Variants in RASSF3 observed in about 807,000 individuals in gnomAD.
The protein encoded by RASSF3 is Ras association domain family member 3.
Under a neutral mutation model 19.9 loss-of-function variants are expected in RASSF3, and 19 were observed. The ratio of observed to expected loss-of-function variants is 0.96; its 90% CI spans 0.67 to 1.40. The LOEUF is 1.40. Ranked by LOEUF, RASSF3 falls within the 40% of genes most tolerant of loss-of-function variation. The probability of loss-of-function intolerance (pLI) is 0.00; values close to 1 mark genes in which losing one functional copy is unlikely to be tolerated. For synonymous variants in RASSF3, 110 were observed against 104.2 expected (o/e 1.06, Z -0.34); for missense variants, 306 against 289.8 (o/e 1.06, Z -0.41).
chr12:64,651,630 G>C (rs1027572098), intron 1 of RASSF3, among the ~76,000 whole-genome samples: 1 of 152,106 alleles, frequency 6.6e-6, no homozygotes, highest in African/African-American at 2.4e-5. Context: ...AGAGTGCTGG[G>C]ATTACAGGCA....
At chr12:64,680,414 C>T (rs566479545) in intron 1 of RASSF3, among the ~76,000 whole-genome samples, 35 of 151,926 alleles carry the variant, frequency 2.3e-4, no homozygotes, top group Non-Finnish European at 3.8e-4. Flanking sequence ...CCCGTGAGGA[C>T]GGGCGTGGTG....
chr12:64,594,045 G>A (rs571187899), intron 2 of RASSF3, among the ~76,000 whole-genome samples: 65 of 150,642 alleles, frequency 4.3e-4, no homozygotes, highest in Admixed American at 6.6e-4. Flanking sequence ...AGCAGGGGAG[G>A]GCCATGGCTG....
chr12:64,670,738 T>G (rs1439973235), intron 1 of RASSF3, among the ~76,000 whole-genome samples: 1 of 152,242 alleles, frequency 6.6e-6, no homozygotes, highest in African/African-American at 2.4e-5. Flanking sequence ...TTGCCAGTTG[T>G]GCTAGTACCC....
At chr12:64,660,052 G>GTATATATATATA (rs146920963) in intron 1 of RASSF3, among the ~76,000 whole-genome samples, 1 of 109,442 alleles carries the variant, frequency 9.1e-6, no homozygotes, top group Non-Finnish European at 2.3e-5. Context: ...GTGTGTGTAT[G>GTATATATATATA]TATATATATA....
chr12:64,596,280 C>T (rs886136713), intron 2 of RASSF3, among the ~76,000 whole-genome samples: 2 of 152,228 alleles, frequency 1.3e-5, no homozygotes, highest in African/African-American at 4.8e-5. Flanking sequence ...ATTTGTTTGC[C>T]TTTTCTTCAG....
chr12:64,571,536 A>G (rs1476301177), intron 2 of RASSF3, among the ~76,000 whole-genome samples: 3 of 152,190 alleles, frequency 2.0e-5, no homozygotes, highest in Non-Finnish European at 4.4e-5. Flanking sequence ...TTCAGCACAC[A>G]TAAGCTTCCT....
chr12:64,607,190 G>A (rs936043857), upstream of RASSF3, among the ~76,000 whole-genome samples: 1 of 151,640 alleles, frequency 6.6e-6, no homozygotes, highest in African/African-American at 2.4e-5. Flanking sequence ...AGGCTGAGGT[G>A]GGAGGATTGC....
chr12:64,508,908 AAAC>A (rs1377959635), intron 1 of RASSF3, among the ~76,000 whole-genome samples: 4 of 151,326 alleles, frequency 2.6e-5, no homozygotes, highest in African/African-American at 9.8e-5. Flanking sequence ...ACAAAAACAA[AAAC>A]AAAACCATGC....
chr12:64,585,465 A>G (rs771745195), intron 2 of RASSF3, among the ~76,000 whole-genome samples: 2 of 152,198 alleles, frequency 1.3e-5, no homozygotes, highest in Non-Finnish European at 2.9e-5. Flanking sequence ...TTGGGAATAT[A>G]GTACATTGTT....
At chr12:64,657,991 G>A (rs1256201106) in intron 1 of RASSF3, among the ~76,000 whole-genome samples, 1 of 152,144 alleles carries the variant, frequency 6.6e-6, no homozygotes, top group Non-Finnish European at 1.5e-5. Flanking sequence ...AGTTGAGGCT[G>A]CAGTGAGCGT....
At chr12:64,651,516 C>T (rs1592445269) in intron 1 of RASSF3, among the ~76,000 whole-genome samples, 1 of 152,034 alleles carries the variant, frequency 6.6e-6, no homozygotes, top group Non-Finnish European at 1.5e-5. Flanking sequence ...CCTGCCACCA[C>T]ACCCGGGTGA....
At chr12:64,679,247 G>T (rs1873026469) in intron 1 of RASSF3, among the ~76,000 whole-genome samples, 1 of 152,192 alleles carries the variant, frequency 6.6e-6, no homozygotes, top group Admixed American at 6.5e-5. Flanking sequence ...TTTTTGTAGA[G>T]ATGGGGTTTC....
intron 1 of RASSF3, among the ~76,000 whole-genome samples, chr12:64,636,138 A>G (rs1330142287): frequency 2.0e-5 from 3 of 149,276 alleles, no homozygotes; most frequent in South Asian, 2.1e-4. Context: ...TTTTTCTGAT[A>G]TGGAGTCTCA....
intron 1 of RASSF3, among the ~76,000 whole-genome samples, chr12:64,658,053 A>G (rs1056207327): frequency 2.0e-5 from 3 of 152,146 alleles, no homozygotes; most frequent in African/African-American, 7.2e-5. Context: ...CCCTGTCTCT[A>G]AAAAATAAAT....
intron 1 of RASSF3, among the ~76,000 whole-genome samples, chr12:64,535,168 C>T (rs971666035): frequency 6.6e-6 from 1 of 151,992 alleles, no homozygotes; most frequent in Non-Finnish European, 1.5e-5. Flanking sequence ...TGAGTCAGTG[C>T]TAATCCTGCA....
chr12:64,528,813 G>A (rs567441119), upstream of RASSF3, among the ~76,000 whole-genome samples: 97 of 152,150 alleles, frequency 6.4e-4, no homozygotes, highest in Non-Finnish European at 2.2e-4. Context: ...GCTGTGACTC[G>A]CAGTGACTGA....
At chr12:64,605,227 C>G (rs891735483) in intron 2 of RASSF3, among the ~76,000 whole-genome samples, 40 of 151,784 alleles carry the variant, frequency 2.6e-4, no homozygotes, top group African/African-American at 9.4e-4. Context: ...CTCAGGTGAT[C>G]TGCCTGCCTC....
rs1431160555 is a variant in RASSF3 at position 64,514,634 on chromosome 12, G to A, written c.169+7305G>A. ...ACACAAAATTCGTATCTGAAGTTCT[G>A]CACCTGGGTTGTAAATCAAGGCTGC... On this transcript the variant is annotated intron_variant, in intron 1 of 5. Transcript: ENST00000637125. Among the ~76,000 whole-genome samples, 3 of 152,176 alleles carry A rather than the reference G, an allele frequency of 2.0e-5. No homozygotes were observed. In the East Asian group the frequency reaches 5.8e-4, roughly 29 times the overall value.
intron 1 of RASSF3, among the ~76,000 whole-genome samples, chr12:64,664,888 A>G (rs1340416554): frequency 3.9e-5 from 6 of 152,236 alleles, no homozygotes; most frequent in African/African-American, 1.2e-4. Flanking sequence ...TATTATTGGT[A>G]TTAAAAATTA....
Sources: allele counts gnomAD v4.1 joint callset (sites outside exome capture counted in the v4.1 genomes callset), GRCh38; gene constraint gnomAD v4.1.1; transcripts MANE v1.5; gene names NCBI Gene and HGNC (gene_info 2026-07-23, HGNC 2026-07-21).